The following AGO2 variants were observed in gnomAD, a reference collection of about 807,000 sequenced individuals.
AGO2 encodes the protein protein argonaute-2.
In AGO2, 5 loss-of-function variants were observed where a neutral mutation model predicts 102.3. The ratio of observed to expected loss-of-function variants is 0.05; its 90% CI spans 0.03 to 0.10. The LOEUF is 0.10. Among genes scored for constraint, AGO2 ranks in the 10% least tolerant of loss-of-function variants. The pLI is 1.00. For synonymous variants in AGO2, 449 were observed against 473.1 expected (o/e 0.95, Z 0.66); for missense variants, 541 against 1,183.7 (o/e 0.46, Z 7.97).
chr8:140,544,668 AC>A (rs1366667925), intron 13 of AGO2, among the ~76,000 whole-genome samples: 1 of 152,086 alleles, frequency 6.6e-6, no homozygotes, highest in Non-Finnish European at 1.5e-5. Flanking sequence ...CCTTAGCACC[AC>A]CAATGCCTGG....
chr8:140,620,445 C>A (rs184267226), intron 1 of AGO2, among the ~76,000 whole-genome samples: 3 of 152,342 alleles, frequency 2.0e-5, no homozygotes, highest in Admixed American at 1.3e-4. Context: ...AATGATATGA[C>A]TCAAACTATG....
intron 1 of AGO2, among the ~76,000 whole-genome samples, chr8:140,628,853 A>G (rs907568410): frequency 2.0e-5 from 3 of 152,010 alleles, no homozygotes; most frequent in Admixed American, 1.3e-4. Flanking sequence ...TGGGAGGCTG[A>G]GCCACCGTGG....
chr8:140,614,412 T>C (rs2074117133), intron 1 of AGO2, among the ~76,000 whole-genome samples: 1 of 152,248 alleles, frequency 6.6e-6, no homozygotes, highest in Non-Finnish European at 1.5e-5. Context: ...ACCAATTCTT[T>C]AATGAAAACA....
intron 10 of AGO2, among the ~76,000 whole-genome samples, chr8:140,555,242 G>A (rs944165934): frequency 1.3e-5 from 2 of 152,184 alleles, no homozygotes; most frequent in African/African-American, 4.8e-5. Flanking sequence ...GCTTGCAACC[G>A]TGGTATGCAA....
At chr8:140,553,451 C>CCAGG (rs2073040279) in intron 10 of AGO2, among the ~76,000 whole-genome samples, 1 of 149,804 alleles carries the variant, frequency 6.7e-6, no homozygotes, top group South Asian at 2.1e-4. Context: ...CTCTTGTTGC[C>CCAGG]CAGGCTGGAG....
chr8:140,551,229 C>A (rs1433871354), intron 11 of AGO2, 74 bp downstream of exon 11: 9 of 1,406,760 alleles, frequency 6.4e-6, no homozygotes, highest in Middle Eastern at 2.8e-4. Flanking sequence ...CCAGAGTCAG[C>A]CCTGCAAGTG....
chr8:140,619,621 T>A (rs1447482090), intron 1 of AGO2, among the ~76,000 whole-genome samples: 6 of 152,154 alleles, frequency 3.9e-5, no homozygotes, highest in Non-Finnish European at 8.8e-5. Context: ...AAAGCAGCGA[T>A]CCGACTGCAC....
intron 1 of AGO2, among the ~76,000 whole-genome samples, chr8:140,631,846 CAAAGA>C (rs1345037620): frequency 1.3e-5 from 2 of 152,180 alleles, no homozygotes; most frequent in East Asian, 1.9e-4. Context: ...AAAACGTCCA[CAAAGA>C]AAAGGGGCAT....
In AGO2 at chr8:140,557,524, C is replaced by A. The variant is rs969800762; in HGVS notation, c.879-288G>T. On this transcript the variant is annotated intron_variant, in intron 7 of 18. Coordinates refer to ENST00000220592, the MANE Select transcript of AGO2 (RefSeq NM_012154.5). The surrounding 1 kb of genome is among the most constrained non-coding windows in gnomAD (Gnocchi z 5.9). ...GTAAAGGAGTCAGGACGAATGGGCA[C>A]GACCAGAAAGGCCTGCGCGTCTTCC... Among the ~76,000 whole-genome samples, 1 of 152,202 alleles carries A rather than the reference C, an allele frequency of 6.6e-6. No homozygotes were observed. Among genetic ancestry groups the A allele is most frequent in the Non-Finnish European group, 1.5e-5 (1 of 68,054 alleles).
intron 1 of AGO2, chr8:140,626,990 T>C (rs1758952026): frequency 6.6e-6 from 1 of 151,182 alleles, no homozygotes; most frequent in African/African-American, 2.5e-5. Flanking sequence ...CAGAATGGTG[T>C]CCAGGTCTCT....
At chr8:140,580,854 G>A (rs1391734975) in intron 2 of AGO2, among the ~76,000 whole-genome samples, 3 of 152,258 alleles carry the variant, frequency 2.0e-5, no homozygotes, top group African/African-American at 7.2e-5. Flanking sequence ...TAGCCTAGCA[G>A]GTTGGCCTTG....
intron 1 of AGO2, among the ~76,000 whole-genome samples, chr8:140,586,832 C>A (rs1006979605): frequency 1.3e-5 from 2 of 152,154 alleles, no homozygotes; most frequent in Non-Finnish European, 2.9e-5. Flanking sequence ...AGGACAGAGC[C>A]CGGGAATCTG....
intron 1 of AGO2, among the ~76,000 whole-genome samples, chr8:140,621,178 A>G (rs925396147): frequency 6.6e-6 from 1 of 151,836 alleles, no homozygotes; most frequent in Non-Finnish European, 1.5e-5. Context: ...ATCGTTTTCC[A>G]CCCTGCAGCC....
chr8:140,583,596 G>A (rs2073594359), intron 2 of AGO2, among the ~76,000 whole-genome samples: 1 of 152,164 alleles, frequency 6.6e-6, no homozygotes, highest in South Asian at 2.1e-4. Flanking sequence ...TACCTAGGTC[G>A]GGCCCAGTGG....
chr8:140,625,995 C>T (rs1240784771), intron 1 of AGO2, among the ~76,000 whole-genome samples: 1 of 152,218 alleles, frequency 6.6e-6, no homozygotes, highest in East Asian at 1.9e-4. Flanking sequence ...GCACAGGGAC[C>T]AAGGTGCGCC....
Position 140,557,055 on chromosome 8 carries a change from GCCCCCA to G in AGO2, c.1026+28_1026+33del. 6.3e-7 allele frequency: 1 copy of G among 1,590,202 alleles called. No individual in the cohort carries two copies. Among genetic ancestry groups the G allele is most frequent in the South Asian group, 1.1e-5 (1 of 88,216 alleles). On this transcript the variant is annotated intron_variant, in intron 8 of 18. Transcript: ENST00000220592. The surrounding 1 kb of genome is among the most constrained non-coding windows in gnomAD (Gnocchi z 5.9). ...CCAGCCTGGGACGCCGCCCTCCCAA[GCCCCCA>G]GAGACACACAGGAAGAGGGTGACTT...
chr8:140,600,575 G>C (rs765584661), intron 1 of AGO2, among the ~76,000 whole-genome samples: 1 of 152,132 alleles, frequency 6.6e-6, no homozygotes, highest in Non-Finnish European at 1.5e-5. Context: ...AGCTACTTGG[G>C]AGGCTGAGGC....
Position 140,531,316 on chromosome 8 carries a change from T to C in AGO2, c.*728A>G, listed in dbSNP as rs1302284463. 1 of 152,626 alleles carries C rather than the reference T, an allele frequency of 6.6e-6. No individual in the cohort carries two copies. The highest frequency in any genetic ancestry group is 2.4e-5 in the African/African-American group (1 of 41,466). The allele number at this position is 152,626 out of a possible 1,614,324, so 9.5% of individuals were successfully genotyped here. On this transcript the variant is annotated 3_prime_UTR_variant, in exon 19 of 19. Transcript: ENST00000220592. Reference sequence around the variant, plus strand: ...TATAGGACAAATCTGATGATTAGACTGTCAGTATATTGTCTTTTTTCTTTT... The same window carrying C: ...TATAGGACAAATCTGATGATTAGACCGTCAGTATATTGTCTTTTTTCTTTT...
intron 4 of AGO2, among the ~76,000 whole-genome samples, chr8:140,562,022 G>T (rs1006791143): frequency 1.3e-5 from 2 of 152,326 alleles, no homozygotes; most frequent in Admixed American, 1.3e-4. Flanking sequence ...TGTGGTAAAA[G>T]AGTAATCCTG....
Sources: gnomAD v4.1 joint callset for allele counts (sites outside exome capture counted in the v4.1 genomes callset) on GRCh38, gnomAD v4.1.1 for gene constraint, Gnocchi (gnomAD v3.1) non-coding constraint, MANE v1.5 for transcripts, NCBI Gene and HGNC (gene_info 2026-07-23, HGNC 2026-07-21) for gene names.